Variants in NEGR1 observed in about 807,000 individuals in gnomAD.
NEGR1 encodes the protein neuronal growth regulator 1, also known as IgLON family member 4.
A neutral mutation model predicts 40.9 loss-of-function variants in NEGR1; 10 were observed. The ratio of observed to expected loss-of-function variants is 0.24; its 90% CI spans 0.15 to 0.42. The LOEUF (loss-of-function observed/expected upper bound fraction) is 0.42, where lower values mean the gene tolerates loss of function less well. NEGR1 is among the 10% of genes least tolerant of loss of function. The probability of loss-of-function intolerance (pLI) is 1.00; values close to 1 mark genes in which losing one functional copy is unlikely to be tolerated. For missense variants in NEGR1, 352 were observed against 438.9 expected, an observed-to-expected ratio of 0.80 and a Z score of 1.77; for synonymous variants, 185 against 166.8, an observed-to-expected ratio of 1.11 and a Z score of -0.84.
rs550361541 is a variant in NEGR1, at chr1:71,548,204, T to C, written c.940+44613A>G. 5.9e-5 allele frequency among the ~76,000 whole-genome samples: 9 copies of C among 151,782 alleles called. No homozygotes were observed. The South Asian group carries it at 6.2e-4, about 11-fold the overall frequency. Reference sequence around the variant, plus strand: ...ATGTTTGATGTTTTAAGCTGCACAATTTGGAGATATTTATTATGCATCAAA... The same window carrying C: ...ATGTTTGATGTTTTAAGCTGCACAACTTGGAGATATTTATTATGCATCAAA... On this transcript the variant is annotated intron_variant, in intron 6 of 6. Transcript: ENST00000357731.
intron 3 of NEGR1, among the ~76,000 whole-genome samples, chr1:71,750,312 G>A (rs1655529175): frequency 6.6e-6 from 1 of 152,124 alleles, no homozygotes; most frequent in Admixed American, 6.5e-5. Context: ...TCTTTTGGAC[G>A]ATAAGCCACT....
At chr1:72,196,668 C>CAGA (rs1491523450) in intron 1 of NEGR1, among the ~76,000 whole-genome samples, 1 of 46,678 alleles carries the variant, frequency 2.1e-5, no homozygotes, top group African/African-American at 1.2e-4. Context: ...TACAAGTGAT[C>CAGA]AAGGATGATC....
chr1:72,175,491 C>T (rs571003924), intron 1 of NEGR1, among the ~76,000 whole-genome samples: 1 of 152,042 alleles, frequency 6.6e-6, no homozygotes, highest in South Asian at 2.1e-4. Context: ...CACTTAAATG[C>T]AAAATGTTCG....
intron 2 of NEGR1, among the ~76,000 whole-genome samples, chr1:71,833,664 G>T (rs973901845): frequency 6.6e-6 from 1 of 151,936 alleles, no homozygotes; most frequent in Non-Finnish European, 1.5e-5. Flanking sequence ...CACTTGACTC[G>T]GGCTTCTGAC....
intron 1 of NEGR1, among the ~76,000 whole-genome samples, chr1:71,989,779 A>T (rs965624183): frequency 1.6e-4 from 24 of 152,222 alleles, no homozygotes; most frequent in Non-Finnish European, 2.9e-5. Flanking sequence ...AATAAATAAG[A>T]CATCAGAGTC....
At chr1:71,988,007 G>T (rs986741220) in intron 1 of NEGR1, among the ~76,000 whole-genome samples, 2 of 152,222 alleles carry the variant, frequency 1.3e-5, no homozygotes, top group African/African-American at 4.8e-5. Flanking sequence ...GAAAGAGTCT[G>T]TTTCTTGTTC....
At chr1:71,463,922 A>G (rs1291776339) in intron 6 of NEGR1, among the ~76,000 whole-genome samples, 2 of 152,124 alleles carry the variant, frequency 1.3e-5, no homozygotes, top group Non-Finnish European at 1.5e-5. Flanking sequence ...AAATAAATGG[A>G]GCTTATGCCA....
At chr1:71,744,437 T>C (rs1655319008) in intron 3 of NEGR1, among the ~76,000 whole-genome samples, 1 of 151,612 alleles carries the variant, frequency 6.6e-6, no homozygotes, top group African/African-American at 2.4e-5. Context: ...TACATCTGTC[T>C]ATATCCACAT....
At chr1:71,430,885 G>A (rs4650109) in intron 6 of NEGR1, among the ~76,000 whole-genome samples, 141,157 of 151,090 alleles carry the variant, frequency 0.93, 66,360 homozygotes, top group Non-Finnish European at 0.99. Context: ...TCAGCCTCCC[G>A]AGTAGCTGGG....
chr1:71,635,540 A>C (rs1013280532), intron 4 of NEGR1, among the ~76,000 whole-genome samples: 2 of 152,010 alleles, frequency 1.3e-5, no homozygotes, highest in African/African-American at 4.8e-5. Flanking sequence ...GATAGATTGG[A>C]TCTGAGGGAA....
intron 1 of NEGR1, among the ~76,000 whole-genome samples, chr1:71,968,129 T>G (rs1646225393): frequency 6.6e-6 from 1 of 152,322 alleles, no homozygotes; most frequent in South Asian, 2.1e-4. Context: ...CTAAAGTCTC[T>G]GGGACTTTAT....
intron 1 of NEGR1, among the ~76,000 whole-genome samples, chr1:72,234,098 A>G (rs983732087): frequency 4.6e-5 from 7 of 151,988 alleles, no homozygotes; most frequent in Non-Finnish European, 2.9e-5. Context: ...TAAGCCTAGT[A>G]CCCATTAGTT....
intron 1 of NEGR1, among the ~76,000 whole-genome samples, chr1:72,116,329 A>T (rs577767808): frequency 6.6e-6 from 1 of 151,928 alleles, no homozygotes; most frequent in South Asian, 2.1e-4. Flanking sequence ...CTTGAAAAGT[A>T]ACTATGATCT....
At chr1:72,234,417 A>G (rs910749552) in intron 1 of NEGR1, among the ~76,000 whole-genome samples, 1 of 152,168 alleles carries the variant, frequency 6.6e-6, no homozygotes, top group African/African-American at 2.4e-5. Flanking sequence ...TCAAAAATTT[A>G]GAAATGGGAT....
At chr1:72,281,368 G>T (rs1403346289) in intron 1 of NEGR1, among the ~76,000 whole-genome samples, 1 of 152,180 alleles carries the variant, frequency 6.6e-6, no homozygotes, top group Non-Finnish European at 1.5e-5. Context: ...GAATGTGGAA[G>T]TGGTTCTTAC....
At chr1:71,412,294 C>G (rs1439216387) in intron 6 of NEGR1, among the ~76,000 whole-genome samples, 1 of 152,158 alleles carries the variant, frequency 6.6e-6, no homozygotes, top group South Asian at 2.1e-4. Flanking sequence ...GGCCTTCTTC[C>G]TATTCCCCTT....
At chr1:72,077,520 T>C (rs1286441425) in intron 1 of NEGR1, among the ~76,000 whole-genome samples, 1 of 152,100 alleles carries the variant, frequency 6.6e-6, no homozygotes. Context: ...CTGGGTGCAG[T>C]AGTTCATGCC....
chr1:71,921,748 T>C (rs1645722752), intron 2 of NEGR1, among the ~76,000 whole-genome samples: 2 of 143,928 alleles, frequency 1.4e-5, no homozygotes, highest in Admixed American at 1.4e-4. Context: ...TACCATCGCA[T>C]GGTTCATACA....
chr1:72,165,563 A>C (rs1472148686), intron 1 of NEGR1, among the ~76,000 whole-genome samples: 1 of 152,000 alleles, frequency 6.6e-6, no homozygotes, highest in Non-Finnish European at 1.5e-5. Flanking sequence ...GCAGGAAAAG[A>C]AGCATTTCCT....
Sources: allele counts gnomAD v4.1 joint callset (sites outside exome capture counted in the v4.1 genomes callset), GRCh38; gene constraint gnomAD v4.1.1; transcripts MANE v1.5; gene names NCBI Gene and HGNC (gene_info 2026-07-23, HGNC 2026-07-21).